CDK13: variants seen among roughly 807,000 people sequenced by gnomAD.
The protein encoded by CDK13 is cyclin dependent kinase 13.
CDK13 carries 40 observed loss-of-function variants against 137.6 expected under a neutral mutation model. The ratio of observed to expected loss-of-function variants is 0.29; its 90% CI spans 0.23 to 0.38. CDK13 has a LOEUF of 0.38. Among genes scored for constraint, CDK13 ranks in the 10% least tolerant of loss-of-function variants. CDK13 has a pLI of 1.00. For missense variants in CDK13, 1,704 were observed against 1,951.8 expected (o/e 0.87, Z 2.39); for synonymous variants, 869 against 760.1 (o/e 1.14, Z -2.36).
rs1179510951 is a variant in CDK13, at chr7:39,987,964, C to G, written c.1577C>G (p.Pro526Arg). The G allele has an allele frequency of 1.9e-6, 3 of 1,613,972 alleles. No homozygotes were observed. Among genetic ancestry groups the G allele is most frequent in the Non-Finnish European group, 2.5e-6 (3 of 1,180,006 alleles). The change falls in exon 2 of 14, where the codon CCC becomes CGC. Residue 526 changes from proline (P) to arginine (R), a missense_variant. By Grantham distance (103) the Pro-to-Arg change is moderately radical. Transcript: ENST00000181839. ...KKIKIEHAPSPSSGGTLKNDK... is the reference protein window; with the variant it reads ...KKIKIEHAPSRSSGGTLKNDK... ...ATTAAAATTGAACATGCACCTTCTC[C>G]CTCAAGTGGTGGAACTTTAAAAAAT...
intron 5 of CDK13, among the ~76,000 whole-genome samples, chr7:40,004,785 C>G (rs1216972954): frequency 6.6e-6 from 1 of 151,942 alleles, no homozygotes; most frequent in Non-Finnish European, 1.5e-5. Context: ...AAATTAGAAA[C>G]AATACAAAAA....
chr7:40,006,326 A>G (rs931860631), intron 5 of CDK13, among the ~76,000 whole-genome samples: 10 of 152,088 alleles, frequency 6.6e-5, no homozygotes, highest in Non-Finnish European at 1.3e-4. Context: ...AAGTCTTTGA[A>G]CTGTTGGGTG....
chr7:40,042,279 C>G (rs1785623824), intron 5 of CDK13, among the ~76,000 whole-genome samples: 1 of 151,714 alleles, frequency 6.6e-6, no homozygotes, highest in Non-Finnish European at 1.5e-5. Context: ...CGGGGTTTCA[C>G]CATGTTGGCC....
intron 7 of CDK13, among the ~76,000 whole-genome samples, chr7:40,058,949 A>T (rs1307688935): frequency 6.6e-6 from 1 of 152,156 alleles, no homozygotes; most frequent in Non-Finnish European, 1.5e-5. Context: ...AAAGAAGTAC[A>T]TGGGGGGGTT....
intron 5 of CDK13, among the ~76,000 whole-genome samples, chr7:40,015,569 A>G (rs1374163895): frequency 1.3e-5 from 2 of 152,208 alleles, no homozygotes; most frequent in Non-Finnish European, 2.9e-5. Context: ...TAGTAAGCAC[A>G]CATCAGTAAA....
At chr7:39,981,769 A>G (rs1165138642) in intron 1 of CDK13, among the ~76,000 whole-genome samples, 1 of 151,800 alleles carries the variant, frequency 6.6e-6, no homozygotes, top group East Asian at 1.9e-4. Flanking sequence ...ATCAAATACT[A>G]TAAAAAGTAG....
intron 5 of CDK13, among the ~76,000 whole-genome samples, chr7:40,021,148 CACAT>C (rs1396552976): frequency 8.6e-5 from 13 of 151,154 alleles, no homozygotes; most frequent in Non-Finnish European, 1.6e-4. Flanking sequence ...CACACACACA[CACAT>C]AAAGTTTTAA....
In CDK13 at chr7:40,096,105, G is replaced by C. The variant is rs1045697372; in HGVS notation, c.*1125G>C. ...GAAGCAAGAGTTAATAACAGAACTTGCCTAAATGTGTTAAAGTTCATGGGG... is the reference window on the plus strand; with the variant it reads ...GAAGCAAGAGTTAATAACAGAACTTCCCTAAATGTGTTAAAGTTCATGGGG... On this transcript the variant is annotated 3_prime_UTR_variant, in exon 14 of 14. Coordinates refer to ENST00000181839, the MANE Select transcript of CDK13 (RefSeq NM_003718.5). 3.3e-5 allele frequency: 5 copies of C among 152,140 alleles called. No homozygotes were observed. Among genetic ancestry groups the C allele is most frequent in the African/African-American group, 4.8e-5 (2 of 41,428 alleles). 9.4% of individuals were successfully genotyped at this position (152,140 alleles called of 1,614,324 possible).
chr7:40,048,001 A>T (rs974258464), intron 7 of CDK13, 124 bp downstream of exon 7: 2 of 589,230 alleles, frequency 3.4e-6, no homozygotes, highest in African/African-American at 3.7e-5. Flanking sequence ...TTAGTACATA[A>T]AACATTGAAA....
intron 5 of CDK13, among the ~76,000 whole-genome samples, chr7:40,022,499 T>C (rs1785148157): frequency 6.6e-6 from 1 of 152,184 alleles, no homozygotes; most frequent in Admixed American, 6.5e-5. Flanking sequence ...CTGAATACTT[T>C]TAAAAGAAAT....
At chr7:39,957,152 T>C (rs1414075233) in intron 1 of CDK13, among the ~76,000 whole-genome samples, 10 of 149,414 alleles carry the variant, frequency 6.7e-5, no homozygotes, top group African/African-American at 2.5e-4. Context: ...GATGGTGTTT[T>C]ACTGTGTTGC....
intron 7 of CDK13, among the ~76,000 whole-genome samples, chr7:40,052,813 G>A (rs1157250405): frequency 6.6e-6 from 1 of 151,398 alleles, no homozygotes; most frequent in East Asian, 1.9e-4. Flanking sequence ...CTGCATTCAT[G>A]ATAAGTGCTT....
At chr7:40,069,184 G>A (rs907019449) in intron 9 of CDK13, 7 of 382,064 alleles carry the variant, frequency 1.8e-5, no homozygotes, top group South Asian at 1.4e-4. Context: ...ACAGTGAACT[G>A]TGATTGCACC....
chr7:40,070,066 C>CAAAAAAAA, intron 9 of CDK13: 1 of 44,768 alleles, frequency 2.2e-5, no homozygotes, highest in Non-Finnish European at 3.8e-5. Context: ...ACCAAAACTA[C>CAAAAAAAA]AAAAAAAAAA....
chr7:39,993,119 G>T (rs1031751877), intron 2 of CDK13, among the ~76,000 whole-genome samples: 2 of 152,132 alleles, frequency 1.3e-5, no homozygotes, highest in East Asian at 1.9e-4. Flanking sequence ...ACCGTTAATG[G>T]TATTTGTCTA....
chr7:39,990,096 C>T (rs1784427448), intron 2 of CDK13, among the ~76,000 whole-genome samples: 1 of 152,078 alleles, frequency 6.6e-6, no homozygotes, highest in African/African-American at 2.4e-5. Flanking sequence ...CTTTATTCTT[C>T]ATGTATGCTT....
At chr7:40,018,655 A>G (rs1785051993) in intron 5 of CDK13, among the ~76,000 whole-genome samples, 1 of 152,204 alleles carries the variant, frequency 6.6e-6, no homozygotes, top group African/African-American at 2.4e-5. Flanking sequence ...TAACTCAGGA[A>G]TGGAAAACCA....
At chr7:40,094,039 C>G in intron 13 of CDK13, 91 bp from the exon 14 acceptor site, 11 of 1,421,608 alleles carry the variant, frequency 7.7e-6, no homozygotes, top group Non-Finnish European at 1.0e-5. Flanking sequence ...TTCTAATCAT[C>G]TTTAGAACTA....
At chr7:40,013,302 A>G (rs1379162580) in intron 5 of CDK13, among the ~76,000 whole-genome samples, 2 of 152,166 alleles carry the variant, frequency 1.3e-5, no homozygotes, top group African/African-American at 4.8e-5. Context: ...CAGTTTTGCA[A>G]GATTAAAAGA....
Sources: gnomAD v4.1 joint callset for allele counts (sites outside exome capture counted in the v4.1 genomes callset) on GRCh38, gnomAD v4.1.1 for gene constraint, MANE v1.5 for transcripts, NCBI Gene and HGNC (gene_info 2026-07-23, HGNC 2026-07-21) for gene names.